CRTC3: variants seen among roughly 807,000 people sequenced by gnomAD.
CRTC3 encodes the protein CREB-regulated transcription coactivator 3.
Under a neutral mutation model 74.5 loss-of-function variants are expected in CRTC3, and 26 were observed. The ratio of observed to expected loss-of-function variants is 0.35; its 90% CI spans 0.26 to 0.48. The LOEUF is 0.48. Ranked by LOEUF, CRTC3 falls within the 20% of genes least tolerant of loss-of-function variation. CRTC3 has a pLI of 0.99. For missense variants in CRTC3, 760 were observed against 787.3 expected, an observed-to-expected ratio of 0.97 and a Z score of 0.41; for synonymous variants, 377 against 325.8, an observed-to-expected ratio of 1.16 and a Z score of -1.69.
In CRTC3 at chr15:90,627,134, A is replaced by G. The variant is rs1171011801; in HGVS notation, c.967+1141A>G. Among the ~76,000 whole-genome samples, 4 of 152,234 alleles carry G rather than the reference A, an allele frequency of 2.6e-5. 1 individual carries two copies. In the East Asian group the frequency reaches 5.8e-4, roughly 22 times the overall value. ...CACCCAAATGAGAGTGGTCCCCTTCAGGGGGGGTCACCTGGAAGTTTTTCT... is the reference window on the plus strand; with the variant it reads ...CACCCAAATGAGAGTGGTCCCCTTCGGGGGGGGTCACCTGGAAGTTTTTCT... On this transcript the variant is annotated intron_variant, in intron 10 of 14. Transcript: ENST00000268184.
intron 13 of CRTC3, 200 bp from the exon 14 acceptor site, chr15:90,640,897 T>A (rs1301888506): frequency 1.2e-5 from 7 of 572,032 alleles, no homozygotes; most frequent in Non-Finnish European, 2.2e-5. Flanking sequence ...CAGGGACCCC[T>A]CCTCCACCCC....
At chr15:90,604,363 T>C in intron 4 of CRTC3, 22 bp from the exon 5 acceptor site, 3 of 1,608,464 alleles carry the variant, frequency 1.9e-6, no homozygotes, top group Non-Finnish European at 2.6e-6. Flanking sequence ...CTTTTCCTTT[T>C]ATGTTGTTCT....
rs570384773 is a variant in CRTC3 at position 90,541,118 on chromosome 15, A to G, written c.231+981A>G. Among the ~76,000 whole-genome samples the G allele has an allele frequency of 2.6e-5, 4 of 152,338 alleles. No homozygotes were observed. The South Asian group carries it at 8.3e-4, about 32-fold the overall frequency. On this transcript the variant is annotated intron_variant, in intron 2 of 14. Transcript: ENST00000268184. ...CAATGTGGAATTGGTGTTTCAGACA[A>G]TGGTATATGGCACTATTGTTAAGAC...
chr15:90,591,650 C>T (rs1967804202), intron 2 of CRTC3, among the ~76,000 whole-genome samples: 1 of 152,106 alleles, frequency 6.6e-6, no homozygotes, highest in Non-Finnish European at 1.5e-5. Context: ...GACCTTGTCT[C>T]TACAAAAAAA....
chr15:90,629,576 G>C (rs751992054), intron 11 of CRTC3, 44 bp downstream of exon 11: 3 of 1,590,582 alleles, frequency 1.9e-6, no homozygotes, highest in Non-Finnish European at 2.6e-6. Context: ...GAAACAGACT[G>C]CAAGATATAG....
chr15:90,627,370 A>G (rs1968874641), intron 10 of CRTC3, among the ~76,000 whole-genome samples: 1 of 152,204 alleles, frequency 6.6e-6, no homozygotes. Context: ...CGAAACCTTT[A>G]TGCCCAGATT....
intron 11 of CRTC3, among the ~76,000 whole-genome samples, chr15:90,630,706 G>A (rs1969005156): frequency 1.3e-5 from 2 of 151,362 alleles, no homozygotes; most frequent in South Asian, 2.1e-4. Flanking sequence ...CATAATCATC[G>A]AGGAATGTGT....
chr15:90,571,747 A>G (rs1967271742), intron 2 of CRTC3, among the ~76,000 whole-genome samples: 1 of 152,090 alleles, frequency 6.6e-6, no homozygotes, highest in Non-Finnish European at 1.5e-5. Flanking sequence ...ACCTATTGCT[A>G]AGTGTTTCAT....
chr15:90,529,970 G>C lies in CRTC3; in HGVS notation c.-102G>C, dbSNP rs1339677446. ...CTCTGCCGGGTCGCGCCGGACGACTGGCTTCGGGCGGCGGCCCCGGCGGCC... is the reference window on the plus strand; with the variant it reads ...CTCTGCCGGGTCGCGCCGGACGACTCGCTTCGGGCGGCGGCCCCGGCGGCC... On this transcript the variant is annotated 5_prime_UTR_variant, in exon 1 of 15. Transcript: ENST00000268184. 6 of 945,854 alleles carry C rather than the reference G, an allele frequency of 6.3e-6. No individual in the cohort carries two copies. In the African/African-American group the frequency reaches 8.9e-5, roughly 14 times the overall value. 58.6% of individuals were successfully genotyped at this position (945,854 alleles called of 1,614,324 possible). A position where few individuals can be genotyped will look rare whatever the true frequency, so the allele number is the denominator to read the frequency against.
chr15:90,572,635 G>A (rs1967299085), intron 2 of CRTC3, among the ~76,000 whole-genome samples: 1 of 152,140 alleles, frequency 6.6e-6, no homozygotes, highest in Non-Finnish European at 1.5e-5. Context: ...GAGTGCAGTA[G>A]TGCAATCTTG....
At chr15:90,586,646 C>A (rs1420301915) in intron 2 of CRTC3, among the ~76,000 whole-genome samples, 5 of 152,090 alleles carry the variant, frequency 3.3e-5, no homozygotes, top group African/African-American at 1.2e-4. Flanking sequence ...AGGTGTGAGC[C>A]ACCGTGCCTG....
chr15:90,631,428 G>A (rs913084013), intron 11 of CRTC3, among the ~76,000 whole-genome samples: 1 of 151,848 alleles, frequency 6.6e-6, no homozygotes, highest in South Asian at 2.1e-4. Flanking sequence ...TAATTTTTTT[G>A]TAGAAACAGG....
intron 8 of CRTC3, 98 bp downstream of exon 8, chr15:90,618,066 G>A: frequency 2.7e-6 from 2 of 731,292 alleles, no homozygotes; most frequent in Non-Finnish European, 2.4e-6. Flanking sequence ...AGGAACTGGG[G>A]GAAAAGGAGA....
At chr15:90,627,512 T>C (rs143271536) in intron 10 of CRTC3, among the ~76,000 whole-genome samples, 1 of 152,298 alleles carries the variant, frequency 6.6e-6, no homozygotes, top group Non-Finnish European at 1.5e-5. Context: ...GTACAGCCTT[T>C]GACACTTTGC....
chr15:90,633,847 C>A (rs1969133526), intron 11 of CRTC3, among the ~76,000 whole-genome samples: 1 of 151,892 alleles, frequency 6.6e-6, no homozygotes, highest in Non-Finnish European at 1.5e-5. Flanking sequence ...ATTGTCTCAG[C>A]TTTATCTTCC....
chr15:90,599,906 C>T (rs1968024049), intron 3 of CRTC3, among the ~76,000 whole-genome samples: 2 of 152,200 alleles, frequency 1.3e-5, no homozygotes, highest in East Asian at 3.8e-4. Flanking sequence ...AACAGAGATT[C>T]ATCAAATCTG....
At chr15:90,540,962 A>G (rs968449588) in intron 2 of CRTC3, among the ~76,000 whole-genome samples, 1 of 152,182 alleles carries the variant, frequency 6.6e-6, no homozygotes, top group Non-Finnish European at 1.5e-5. Flanking sequence ...CACTAGTTTC[A>G]TGTGGCTGGT....
chr15:90,559,557 G>A (rs945389036), intron 2 of CRTC3, among the ~76,000 whole-genome samples: 5 of 152,186 alleles, frequency 3.3e-5, no homozygotes, highest in Non-Finnish European at 7.3e-5. Context: ...GATCATGGGT[G>A]CATTATTTTC....
intron 2 of CRTC3, among the ~76,000 whole-genome samples, chr15:90,585,662 T>C (rs1246378382): frequency 1.3e-5 from 2 of 152,242 alleles, no homozygotes; most frequent in African/African-American, 4.8e-5. Context: ...TTCAGCTCTC[T>C]GTACCTTGGT....
Sources: gnomAD v4.1 joint callset for allele counts (sites outside exome capture counted in the v4.1 genomes callset) on GRCh38, gnomAD v4.1.1 for gene constraint, MANE v1.5 for transcripts, NCBI Gene and HGNC (gene_info 2026-07-23, HGNC 2026-07-21) for gene names.